PDSS2: variants seen among roughly 807,000 people sequenced by gnomAD.
PDSS2 encodes decaprenyl diphosphate synthase subunit 2, also known as all trans-polyprenyl-diphosphate synthase PDSS2.
In PDSS2, 31 loss-of-function variants were observed where a neutral mutation model predicts 44.5. The observed-to-expected ratio is 0.70, with a 90% confidence interval of 0.52 to 0.94. The LOEUF (loss-of-function observed/expected upper bound fraction) is 0.94, where lower values mean the gene tolerates loss of function less well. PDSS2 is among the 40% of genes least tolerant of loss of function. The pLI, the probability that PDSS2 is intolerant of heterozygous loss-of-function variation, is 0.00. For missense variants in PDSS2, 452 were observed against 482.2 expected (o/e 0.94, Z 0.59); for synonymous variants, 157 against 180.3 (o/e 0.87, Z 1.03).
chr6:107,174,584 T>C (rs571827614), intron 7 of PDSS2, among the ~76,000 whole-genome samples: 1 of 152,326 alleles, frequency 6.6e-6, no homozygotes, highest in South Asian at 2.1e-4. Context: ...TGGCAAGACT[T>C]GGTACAAAAG....
intron 4 of PDSS2, among the ~76,000 whole-genome samples, chr6:107,242,897 A>G (rs1057370261): frequency 4.6e-5 from 7 of 152,202 alleles, no homozygotes; most frequent in African/African-American, 1.7e-4. Context: ...TTAACTGCTT[A>G]AAAAAGGGCT....
intron 1 of PDSS2, among the ~76,000 whole-genome samples, chr6:107,420,791 C>T (rs1780800481): frequency 6.6e-6 from 1 of 151,238 alleles, no homozygotes; most frequent in Admixed American, 6.6e-5. Flanking sequence ...GAAAAGAGTT[C>T]TCAGACATCA....
At chr6:107,264,311 A>G in intron 3 of PDSS2, 1 of 1,438,394 alleles carries the variant, frequency 7.0e-7, no homozygotes. Context: ...TTAGGAAAAC[A>G]AAGTTAACAT....
chr6:107,316,597 T>G (rs147277171), intron 2 of PDSS2, among the ~76,000 whole-genome samples: 1 of 152,330 alleles, frequency 6.6e-6, no homozygotes, highest in East Asian at 1.9e-4. Flanking sequence ...AATACTCATT[T>G]TCCTCTTTTA....
In PDSS2 at chr6:107,164,495, C is replaced by T. The variant is rs562903499; in HGVS notation, c.1042-9718G>A. ...TCCATGTCCCTACACAGGACATGAA[C>T]TCATCATTTTTTATGGCTGCATAGT... is the stretch of plus-strand genomic sequence containing the variant. On this transcript the variant is annotated intron_variant, in intron 7 of 7. Transcript: ENST00000369037. 5.0e-4 allele frequency among the ~76,000 whole-genome samples: 76 copies of T among 152,300 alleles called. 2 individuals carry two copies. In the South Asian group the frequency reaches 0.016, roughly 31 times the overall value.
intron 1 of PDSS2, among the ~76,000 whole-genome samples, chr6:107,373,206 C>T (rs1300520151): frequency 6.6e-6 from 1 of 151,768 alleles, no homozygotes; most frequent in African/African-American, 2.4e-5. Flanking sequence ...ATGGTGGTCT[C>T]GATCTCTTGA....
rs1219222230 is a variant in PDSS2, at chr6:107,199,237, CAA to C, written c.1009-5385_1009-5384del. On this transcript the variant is annotated intron_variant, in intron 6 of 7. Transcript: ENST00000369037. ...AGACACAGGCATGAACAGAACAGAT[CAA>C]AATGTGTGACCTCTTGGAATTTATA... Among the ~76,000 whole-genome samples, 4 of 152,180 alleles carry C rather than the reference CAA, an allele frequency of 2.6e-5. No individual in the cohort carries two copies. In the East Asian group the frequency reaches 7.7e-4, roughly 29 times the overall value.
chr6:107,247,388 A>G (rs1055278794), intron 3 of PDSS2, among the ~76,000 whole-genome samples: 1 of 152,240 alleles, frequency 6.6e-6, no homozygotes, highest in Non-Finnish European at 1.5e-5. Context: ...AGGCAGAAGC[A>G]ACAAGAACAT....
At chr6:107,457,829 A>G (rs1405175489) in intron 1 of PDSS2, among the ~76,000 whole-genome samples, 1 of 152,216 alleles carries the variant, frequency 6.6e-6, no homozygotes, top group Admixed American at 6.5e-5. Flanking sequence ...AGATTAAATA[A>G]AAGTATTGTA....
chr6:107,293,257 G>A (rs1264015230), intron 2 of PDSS2, among the ~76,000 whole-genome samples: 1 of 152,108 alleles, frequency 6.6e-6, no homozygotes, highest in Non-Finnish European at 1.5e-5. Context: ...TTAATATCCT[G>A]AGGAGATCAG....
chr6:107,256,340 A>G (rs558142650), intron 3 of PDSS2, among the ~76,000 whole-genome samples: 5 of 152,310 alleles, frequency 3.3e-5, no homozygotes, highest in South Asian at 2.1e-4. Flanking sequence ...ATTGGCTTAG[A>G]TAACATTTGG....
At chr6:107,328,886 A>T (rs1356279987) in intron 2 of PDSS2, among the ~76,000 whole-genome samples, 2 of 152,212 alleles carry the variant, frequency 1.3e-5, no homozygotes, top group Non-Finnish European at 2.9e-5. Context: ...TAAGCTCTGG[A>T]AGAAAAATTG....
intron 6 of PDSS2, among the ~76,000 whole-genome samples, chr6:107,196,341 C>G (rs1772562506): frequency 1.3e-5 from 2 of 152,194 alleles, no homozygotes; most frequent in Non-Finnish European, 1.5e-5. Flanking sequence ...ATGGACTGGC[C>G]TTGATCTTAC....
chr6:107,394,149 T>A (rs952289370), intron 1 of PDSS2, among the ~76,000 whole-genome samples: 6 of 152,182 alleles, frequency 3.9e-5, no homozygotes, highest in African/African-American at 1.4e-4. Context: ...TTCTGGATTA[T>A]TTTTTAGTAT....
chr6:107,448,974 C>T (rs1438509323), intron 1 of PDSS2, among the ~76,000 whole-genome samples: 1 of 152,188 alleles, frequency 6.6e-6, no homozygotes, highest in African/African-American at 2.4e-5. Flanking sequence ...GATTCAATTA[C>T]CACCCACTGA....
chr6:107,168,170 G>A (rs1201025921), intron 7 of PDSS2, among the ~76,000 whole-genome samples: 2 of 152,156 alleles, frequency 1.3e-5, no homozygotes, highest in Non-Finnish European at 2.9e-5. Context: ...CCTGTATTGG[G>A]TGCATATATA....
chr6:107,303,156 G>A (rs1298197003), intron 2 of PDSS2, among the ~76,000 whole-genome samples: 2 of 152,058 alleles, frequency 1.3e-5, no homozygotes, highest in African/African-American at 4.8e-5. Context: ...GAAGAGCAAG[G>A]GAGTGAGTAC....
chr6:107,373,231 C>A (rs951721700), intron 1 of PDSS2, among the ~76,000 whole-genome samples: 1 of 152,042 alleles, frequency 6.6e-6, no homozygotes, highest in Non-Finnish European at 1.5e-5. Context: ...ATGATCCGCC[C>A]GCCTTGGACT....
At chr6:107,300,706 T>C (rs1392413437) in intron 2 of PDSS2, among the ~76,000 whole-genome samples, 1 of 152,206 alleles carries the variant, frequency 6.6e-6, no homozygotes, top group East Asian at 1.9e-4. Flanking sequence ...TCCCGTTGTA[T>C]GGGAGCTCTG....
Sources: gnomAD v4.1 joint callset for allele counts (sites outside exome capture counted in the v4.1 genomes callset) on GRCh38, gnomAD v4.1.1 for gene constraint, MANE v1.5 for transcripts, NCBI Gene and HGNC (gene_info 2026-07-23, HGNC 2026-07-21) for gene names.